HOMER2: variants seen among roughly 807,000 people sequenced by gnomAD.
HOMER2 encodes the protein homer scaffold protein 2.
HOMER2 carries 27 observed loss-of-function variants against 47.0 expected under a neutral mutation model. The observed-to-expected ratio is 0.57, with a 90% CI of 0.42 to 0.79. The LOEUF (loss-of-function observed/expected upper bound fraction) is 0.79, where lower values mean the gene tolerates loss of function less well. Among genes scored for constraint, HOMER2 ranks in the 30% least tolerant of loss-of-function variants. HOMER2 has a pLI of 0.00. For synonymous variants in HOMER2, 161 were observed against 163.8 expected, an observed-to-expected ratio of 0.98 and a Z score of 0.13; for missense variants, 443 against 435.0, an observed-to-expected ratio of 1.02 and a Z score of -0.16.
chr15:82,856,554 GGCTGTAGTAA>G, intron 5 of HOMER2, among the ~76,000 whole-genome samples: 1 of 152,226 alleles, frequency 6.6e-6, no homozygotes, highest in East Asian at 1.9e-4. Context: ...AGGAGTTCAA[GGCTGTAGTAA>G]GCTATGATGA....
chr15:82,860,701 C>T (rs930635034), intron 4 of HOMER2, among the ~76,000 whole-genome samples: 1 of 152,006 alleles, frequency 6.6e-6, no homozygotes, highest in Non-Finnish European at 1.5e-5. Context: ...CTTTGGGAGG[C>T]CAAGGTAGGC....
Position 82,952,665 on chromosome 15 carries a change from T to G in HOMER2, c.-130A>C, listed in dbSNP as rs2054534030. ...CCGGCTCAGCCCCGGCGCCGCTCCA[T>G]TCCGCGGGGCTGCGCGGCTGCCACT... On this transcript the variant is annotated 5_prime_UTR_variant, in exon 1 of 9. An upstream start codon of the reference 5' UTR is lost. Coordinates refer to ENST00000450735, the MANE Select transcript of HOMER2 (RefSeq NM_004839.4). The G allele has an allele frequency of 3.0e-6, 3 of 997,562 alleles. No individual in the cohort carries two copies. Among genetic ancestry groups the G allele is most frequent in the East Asian group, 1.1e-4 (1 of 9,358 alleles). The allele number at this position is 997,562 out of a possible 1,614,324, so 61.8% of individuals were successfully genotyped here. A position where few individuals can be genotyped will look rare whatever the true frequency, so the allele number is the denominator to read the frequency against.
chr15:82,910,761 G>T (rs559024170), intron 1 of HOMER2, among the ~76,000 whole-genome samples: 1 of 152,180 alleles, frequency 6.6e-6, no homozygotes, highest in African/African-American at 2.4e-5. Context: ...TTTTGTCTCC[G>T]GGGCCTGTTC....
At chr15:82,958,811 G>C (rs1298359593) in exon 2 of HOMER2, 1 of 152,354 alleles carries the variant, frequency 6.6e-6, no homozygotes, top group African/African-American at 2.4e-5. Flanking sequence ...CAACCTTGAG[G>C]AGAGGACTTT....
chr15:82,970,775 G>A (rs2029959502), intron 1 of HOMER2, among the ~76,000 whole-genome samples: 1 of 152,206 alleles, frequency 6.6e-6, no homozygotes, highest in Non-Finnish European at 1.5e-5. Context: ...TTCTTGCCAT[G>A]CTGTGTTTTG....
intron 1 of HOMER2, among the ~76,000 whole-genome samples, chr15:82,922,279 T>C (rs1780331576): frequency 6.6e-6 from 1 of 152,202 alleles, no homozygotes; most frequent in Admixed American, 6.5e-5. Flanking sequence ...CCAGGATTTG[T>C]TTTAAAGCAA....
intron 6 of HOMER2, 54 bp downstream of exon 6, chr15:82,854,590 C>G: frequency 1.3e-6 from 2 of 1,553,680 alleles, no homozygotes; most frequent in Non-Finnish European, 1.7e-6. Flanking sequence ...GTGCCCCCAT[C>G]TCCCACTGCC....
intron 1 of HOMER2, among the ~76,000 whole-genome samples, chr15:82,938,442 C>T (rs962109339): frequency 5.3e-5 from 8 of 152,160 alleles, no homozygotes; most frequent in Non-Finnish European, 1.5e-5. Context: ...CTCAAAATGC[C>T]TCTATACCTG....
Position 82,849,756 on chromosome 15 carries a change from C to T in HOMER2, c.991G>A (p.Asp331Asn). ...VLDGKIDDLH[D>N]FRRGLSKLGT... ...AGCTTGGAGAGCCCTCGGCGGAAGTCATGCAGGTCGTCAATCTTCCCGTCC... is the reference window on the plus strand; with the variant it reads ...AGCTTGGAGAGCCCTCGGCGGAAGTTATGCAGGTCGTCAATCTTCCCGTCC... Residue 331 changes from aspartate to asparagine, a missense_variant, in exon 9 of 9, where the codon GAC becomes AAC. Asp to Asn is a conservative substitution (Grantham distance 23). Transcript: ENST00000450735. 2 of 1,613,920 alleles carry T rather than the reference C, an allele frequency of 1.2e-6. No individual in the cohort carries two copies. The highest frequency in any genetic ancestry group is 2.2e-5 in the South Asian group (2 of 91,066).
At chr15:82,973,117 T>C (rs1481305507) in intron 1 of HOMER2, among the ~76,000 whole-genome samples, 1 of 152,240 alleles carries the variant, frequency 6.6e-6, no homozygotes, top group Non-Finnish European at 1.5e-5. Context: ...CTCCAACTTC[T>C]GGCTACAGCA....
chr15:82,894,971 G>C (rs1278996651), intron 1 of HOMER2, among the ~76,000 whole-genome samples: 2 of 152,132 alleles, frequency 1.3e-5, no homozygotes, highest in African/African-American at 4.8e-5. Flanking sequence ...ACTTTTCCTA[G>C]AAAACCAATT....
chr15:82,872,470 C>G (rs192071438), intron 3 of HOMER2, among the ~76,000 whole-genome samples: 2 of 152,290 alleles, frequency 1.3e-5, no homozygotes, highest in East Asian at 3.9e-4. Flanking sequence ...ACAATCTAAT[C>G]TGACTTGCTG....
At chr15:82,892,982 A>G in intron 1 of HOMER2, 141 bp from the exon 2 acceptor site, 1 of 623,918 alleles carries the variant, frequency 1.6e-6, no homozygotes, top group Non-Finnish European at 2.4e-6. Flanking sequence ...TTAAAATAAA[A>G]GCAAAGAGAG....
chr15:82,862,940 A>G (rs553865177), intron 4 of HOMER2, among the ~76,000 whole-genome samples: 1 of 151,606 alleles, frequency 6.6e-6, no homozygotes, highest in East Asian at 1.9e-4. Context: ...TATTGGGCAT[A>G]CTCCCTCCTG....
At chr15:82,949,839 T>C (rs901910366) in intron 1 of HOMER2, among the ~76,000 whole-genome samples, 2 of 152,228 alleles carry the variant, frequency 1.3e-5, no homozygotes, top group African/African-American at 4.8e-5. Context: ...TAACCACATG[T>C]GCTGGTGGCT....
chr15:82,891,982 AT>A (rs540273697), intron 2 of HOMER2, among the ~76,000 whole-genome samples: 507 of 143,058 alleles, frequency 3.5e-3, no homozygotes, highest in Middle Eastern at 3.6e-3. Flanking sequence ...CAGCAGGTCT[AT>A]TTTTTTTTTT....
At chr15:82,868,922 G>A (rs1000606200) in intron 3 of HOMER2, among the ~76,000 whole-genome samples, 14 of 151,926 alleles carry the variant, frequency 9.2e-5, no homozygotes, top group African/African-American at 2.7e-4. Flanking sequence ...TGGACTAGAC[G>A]GAAGACTGGT....
Position 82,849,891 on chromosome 15 carries a change from C to T in HOMER2, c.856G>A (p.Asp286Asn), listed in dbSNP as rs2051333802. Residue 286 changes from aspartate to asparagine, a missense_variant, in exon 9 of 9, where the codon GAC becomes AAC. Coordinates refer to ENST00000450735, the MANE Select transcript of HOMER2 (RefSeq NM_004839.4). ...VSEKLEAAER[D>N]NQNLEDKVRS... ...ACTTTGTCTTCCAGGTTTTGATTGT[C>T]TCTCTCTGCCGCCTGGCCAAGCAAA... is the stretch of plus-strand genomic sequence containing the variant. The T allele has an allele frequency of 1.2e-6, 2 of 1,613,510 alleles. No homozygotes were observed. The highest frequency in any genetic ancestry group is 1.7e-6 in the Non-Finnish European group (2 of 1,179,642).
chr15:82,882,646 T>C (rs1360950406), intron 2 of HOMER2, among the ~76,000 whole-genome samples: 1 of 152,182 alleles, frequency 6.6e-6, no homozygotes. Flanking sequence ...ACCAACTGCT[T>C]CCAGAAGGAG....
Sources: gnomAD v4.1 joint callset for allele counts (sites outside exome capture counted in the v4.1 genomes callset) on GRCh38, gnomAD v4.1.1 for gene constraint, MANE v1.5 for transcripts, NCBI Gene and HGNC (gene_info 2026-07-23, HGNC 2026-07-21) for gene names.